Variants in REEP1 observed in about 807,000 individuals in gnomAD.
REEP1 encodes the protein receptor expression-enhancing protein 1.
A neutral mutation model predicts 40.3 loss-of-function variants in REEP1; 22 were observed. The ratio of observed to expected loss-of-function variants is 0.55; its 90% CI spans 0.39 to 0.78. The LOEUF (loss-of-function observed/expected upper bound fraction) is 0.78, where lower values mean the gene tolerates loss of function less well. Ranked by LOEUF, REEP1 falls within the 30% of genes least tolerant of loss-of-function variation. The pLI is 0.00. For missense variants in REEP1, 280 were observed against 361.1 expected (o/e 0.78, Z 1.82); for synonymous variants, 116 against 139.2 (o/e 0.83, Z 1.17).
intron 1 of REEP1, among the ~76,000 whole-genome samples, chr2:86,297,326 G>A (rs895940580): frequency 1.3e-5 from 2 of 152,248 alleles, no homozygotes; most frequent in African/African-American, 2.4e-5. Flanking sequence ...TCATGGACAA[G>A]AGCCCAGAAG....
At position 86,288,032 on chromosome 2, in the gene REEP1, A is replaced by ATTTTTTTTTTTTTTTTTTTTTTTT. The variant is rs1558916457; in HGVS notation, c.33-5791_33-5790insAAAAAAAAAAAAAAAAAAAAAAAA. 9.3e-4 allele frequency among the ~76,000 whole-genome samples: 140 copies of ATTTTTTTTTTTTTTTTTTTTTTTT among 149,788 alleles called. 9 individuals carry two copies. Among genetic ancestry groups the ATTTTTTTTTTTTTTTTTTTTTTTT allele is most frequent in the African/African-American group, 3.3e-3 (132 of 39,414 alleles). Reference sequence around the variant, plus strand: ...TAAAATTATTTATTTTATTTTTATTATTTTTTTGAGATGGAGTCTCGCTCC... The same window carrying ATTTTTTTTTTTTTTTTTTTTTTTT: ...TAAAATTATTTATTTTATTTTTATTATTTTTTTTTTTTTTTTTTTTTTTTTTTTTTTGAGATGGAGTCTCGCTCC... On this transcript the variant is annotated intron_variant, in intron 1 of 8. Coordinates refer to ENST00000538924, the MANE Select transcript of REEP1 (RefSeq NM_001371279.1).
intron 2 of REEP1, among the ~76,000 whole-genome samples, chr2:86,280,323 G>A (rs1678005105): frequency 2.0e-5 from 3 of 152,194 alleles, no homozygotes; most frequent in Admixed American, 2.0e-4. Flanking sequence ...CAGCTGCTCT[G>A]CTCATCAATT....
intron 5 of REEP1, among the ~76,000 whole-genome samples, chr2:86,247,557 T>G (rs7572054): frequency 0.092 from 5,480 of 59,748 alleles, 322 homozygotes; most frequent in African/African-American, 0.16. Flanking sequence ...AGAACTTCCT[T>G]TTGTTGTTGT....
chr2:86,262,090 T>A (rs560898046), intron 3 of REEP1, among the ~76,000 whole-genome samples: 1 of 152,336 alleles, frequency 6.6e-6, no homozygotes, highest in African/African-American at 2.4e-5. Flanking sequence ...CCACGAATGA[T>A]CAATAAATAC....
chr2:86,228,665 T>C (rs906067367), intron 6 of REEP1, among the ~76,000 whole-genome samples: 5 of 152,030 alleles, frequency 3.3e-5, no homozygotes, highest in African/African-American at 1.2e-4. Context: ...TCTGTGTTGG[T>C]CAGGCTGGTC....
At chr2:86,317,787 A>G (rs996624788) in intron 1 of REEP1, among the ~76,000 whole-genome samples, 14 of 152,350 alleles carry the variant, frequency 9.2e-5, no homozygotes, top group African/African-American at 3.4e-4. Context: ...TAGCACTCAT[A>G]CAGTGTTTCT....
intron 5 of REEP1, among the ~76,000 whole-genome samples, chr2:86,250,010 C>T (rs1292096557): frequency 6.6e-6 from 1 of 152,214 alleles, no homozygotes; most frequent in Non-Finnish European, 1.5e-5. Flanking sequence ...TTTCCTGAGG[C>T]AACTTTCAGA....
In REEP1 at chr2:86,337,605, T is replaced by C; in HGVS notation, c.-95A>G. 4 of 1,142,068 alleles carry C rather than the reference T, an allele frequency of 3.5e-6. No homozygotes were observed. The highest frequency in any genetic ancestry group is 1.6e-5 in the African/African-American group (1 of 60,804). 70.7% of individuals were successfully genotyped at this position (1,142,068 alleles called of 1,614,324 possible). ...CGGCGTTCCCGGAACGTCAGTCAGCTCACGGCAGCCGCCGCCAGACTGAGC... is the reference window on the plus strand; with the variant it reads ...CGGCGTTCCCGGAACGTCAGTCAGCCCACGGCAGCCGCCGCCAGACTGAGC... On this transcript the variant is annotated 5_prime_UTR_variant, in exon 1 of 9. Transcript: ENST00000538924. The surrounding 1 kb of genome is among the most constrained non-coding windows in gnomAD (Gnocchi z 5.8).
At chr2:86,317,582 G>A (rs1307085765) in intron 1 of REEP1, among the ~76,000 whole-genome samples, 3 of 152,168 alleles carry the variant, frequency 2.0e-5, no homozygotes, top group South Asian at 2.1e-4. Flanking sequence ...TAAAACTGCC[G>A]CTAGTACTTT....
intron 1 of REEP1, chr2:86,297,825 C>T: frequency 2.0e-6 from 1 of 493,970 alleles, no homozygotes; most frequent in Non-Finnish European, 2.6e-6. Flanking sequence ...GCCTAAGGTC[C>T]AGCCTGGGTC....
upstream of REEP1, chr2:86,337,680 T>C (rs1681119132): frequency 2.0e-6 from 2 of 1,002,522 alleles, 1 homozygote; most frequent in South Asian, 9.1e-5. The surrounding 1 kb of genome is among the most constrained non-coding windows in gnomAD (Gnocchi z 5.8). Flanking sequence ...CCGCGGCACG[T>C]TCTGGCGGCG....
At chr2:86,316,920 C>T (rs965690950) in intron 1 of REEP1, among the ~76,000 whole-genome samples, 4 of 152,114 alleles carry the variant, frequency 2.6e-5, no homozygotes, top group Admixed American at 2.6e-4. Flanking sequence ...AGACAAGATA[C>T]CCTGACTTAC....
At chr2:86,283,126 C>T (rs1457445110) in intron 1 of REEP1, among the ~76,000 whole-genome samples, 5 of 152,186 alleles carry the variant, frequency 3.3e-5, no homozygotes, top group Admixed American at 2.0e-4. Context: ...CACAGTGTAC[C>T]TATTATCAGG....
At chr2:86,230,816 G>C (rs936952904) in intron 6 of REEP1, among the ~76,000 whole-genome samples, 4 of 152,082 alleles carry the variant, frequency 2.6e-5, no homozygotes, top group Non-Finnish European at 4.4e-5. Context: ...GTCATGCGGC[G>C]AGCAAGTGGC....
chr2:86,279,451 A>G (rs945760839), intron 2 of REEP1, among the ~76,000 whole-genome samples: 2 of 152,230 alleles, frequency 1.3e-5, no homozygotes, highest in African/African-American at 4.8e-5. Context: ...CAGGGACAGG[A>G]GGCAGGAGAA....
chr2:86,284,905 T>G (rs1232778173), intron 1 of REEP1, among the ~76,000 whole-genome samples: 1 of 152,216 alleles, frequency 6.6e-6, no homozygotes, highest in Non-Finnish European at 1.5e-5. Context: ...CACACAAGTT[T>G]GCTTTTCGGT....
intron 7 of REEP1, among the ~76,000 whole-genome samples, chr2:86,225,095 C>T (rs771218172): frequency 3.7e-4 from 56 of 152,324 alleles, no homozygotes; most frequent in Non-Finnish European, 6.0e-4. Context: ...ACCAGGCCAG[C>T]GTCTAGTGCC....
chr2:86,297,436 C>G lies in REEP1; in HGVS notation c.33-15194G>C, dbSNP rs565008569. On this transcript the variant is annotated intron_variant, in intron 1 of 8. Transcript: ENST00000538924. ...AATGCTGCACAGACTTGCAAAAATG[C>G]TTTTCCTACAAGGGAAGCTCTGACC... Among the ~76,000 whole-genome samples, 9 of 152,370 alleles carry G rather than the reference C, an allele frequency of 5.9e-5. No individual in the cohort carries two copies. The South Asian group carries it at 1.9e-3, about 32-fold the overall frequency.
chr2:86,262,477 A>C (rs1274401276), intron 3 of REEP1, among the ~76,000 whole-genome samples: 2 of 152,246 alleles, frequency 1.3e-5, no homozygotes, highest in Non-Finnish European at 2.9e-5. Context: ...CTACAGCTTG[A>C]GGCTACAATG....
Sources: gnomAD v4.1 joint callset for allele counts (sites outside exome capture counted in the v4.1 genomes callset) on GRCh38, gnomAD v4.1.1 for gene constraint, Gnocchi (gnomAD v3.1) non-coding constraint, MANE v1.5 for transcripts, NCBI Gene and HGNC (gene_info 2026-07-23, HGNC 2026-07-21) for gene names.